Variants in ANKRD36 observed in about 807,000 individuals in gnomAD.
ANKRD36 encodes ankyrin repeat domain 36.
A neutral mutation model predicts 278.1 loss-of-function variants in ANKRD36; 179 were observed. The observed-to-expected ratio is 0.64, with a 90% CI of 0.57 to 0.73. The LOEUF (loss-of-function observed/expected upper bound fraction) is 0.73. ANKRD36 is among the 30% of genes least tolerant of loss of function. ANKRD36 has a pLI of 0.00. For missense variants in ANKRD36, 1,159 were observed against 1,956.7 expected, an observed-to-expected ratio of 0.59 and a Z score of 7.69; for synonymous variants, 320 against 641.1, an observed-to-expected ratio of 0.50 and a Z score of 7.57.
chr2:97,176,934 T>C (rs1575375652), intron 22 of ANKRD36, among the ~76,000 whole-genome samples: 3 of 151,856 alleles, frequency 2.0e-5, no homozygotes, highest in African/African-American at 7.2e-5. Flanking sequence ...AACCCTATTG[T>C]CTCAGCCCAA....
chr2:97,206,559 C>T (rs1558777996), intron 52 of ANKRD36, among the ~76,000 whole-genome samples: 2 of 151,400 alleles, frequency 1.3e-5, no homozygotes, highest in Admixed American at 1.3e-4. Context: ...AAGGAGACCC[C>T]TGGTGTAGCA....
At chr2:97,178,301 C>T (rs540253567) in intron 22 of ANKRD36, among the ~76,000 whole-genome samples, 35 of 152,008 alleles carry the variant, frequency 2.3e-4, no homozygotes, top group African/African-American at 8.4e-4. Flanking sequence ...GTGGAAATAC[C>T]ATTTGACCCA....
At chr2:97,208,314 G>C (rs1277625651) in intron 54 of ANKRD36, among the ~76,000 whole-genome samples, 1 of 146,702 alleles carries the variant, frequency 6.8e-6, no homozygotes, top group East Asian at 1.9e-4. Context: ...TTCAGTAAGG[G>C]TGGAAGGAGA....
At chr2:97,125,909 G>A (rs1186248982) in intron 5 of ANKRD36, among the ~76,000 whole-genome samples, 1 of 151,220 alleles carries the variant, frequency 6.6e-6, no homozygotes, top group African/African-American at 2.4e-5. Context: ...GCTTGCTTTG[G>A]CAGCACAAAT....
intron 50 of ANKRD36, 132 bp from the exon 51 acceptor site, chr2:97,205,808 A>G: frequency 1.6e-6 from 2 of 1,285,628 alleles, no homozygotes; most frequent in Non-Finnish European, 2.2e-6. Flanking sequence ...GTCCCCAGAC[A>G]CAAAGTAGAA....
At chr2:97,194,589 C>A in intron 38 of ANKRD36, 137 bp from the exon 39 acceptor site, 1 of 1,501,466 alleles carries the variant, frequency 6.7e-7, no homozygotes, top group South Asian at 1.2e-5. Context: ...TTCTGGTCCC[C>A]AGACAGAAAG....
chr2:97,196,844 C>T, intron 42 of ANKRD36, 56 bp downstream of exon 42: 1 of 1,540,378 alleles, frequency 6.5e-7, no homozygotes, highest in African/African-American at 1.4e-5. Flanking sequence ...AAGAAGTTCT[C>T]TTCCCCAAAT....
chr2:97,224,557 C>T (rs1286407874), intron 66 of ANKRD36, among the ~76,000 whole-genome samples: 1 of 151,710 alleles, frequency 6.6e-6, no homozygotes, highest in Non-Finnish European at 1.5e-5. Flanking sequence ...TCACGCCATT[C>T]TCCTGCACCA....
In ANKRD36 at chr2:97,187,382, T is replaced by C; in HGVS notation, c.2124T>C (p.Asp708=). ...CGAATATAGCCACAGAAATAAAGGA[T>C]GGAGAAAAATCTGGGACAGGTAATT... The part of the protein sequence containing the change: ...SVSNIATEIK[D]GEKSGTVSSQ... Residue 708 remains aspartate, a synonymous_variant, in exon 32 of 76, where the codon GAT becomes GAC. Transcript: ENST00000420699. 6.2e-7 allele frequency: 1 copy of C among 1,604,466 alleles called. No individual in the cohort carries two copies. Among genetic ancestry groups the C allele is most frequent in the Non-Finnish European group, 8.5e-7 (1 of 1,177,034 alleles).
chr2:97,206,178 G>C, intron 52 of ANKRD36, 43 bp downstream of exon 52: 1 of 1,487,598 alleles, frequency 6.7e-7, no homozygotes, highest in Non-Finnish European at 9.0e-7. Flanking sequence ...AGTCGAGATA[G>C]ATAAGAAGTT....
rs1014561623 is a variant in ANKRD36, at chr2:97,127,076, T to A, written c.741T>A (p.Asp247Glu). ...AIEAKNRVIFDLIYEYERKRY... is the reference protein window; with the variant it reads ...AIEAKNRVIFELIYEYERKRY... ...TTATTTTTATGCATAGCATTTTTGA[T>A]CTAATTTATGAATACGAAAGAAAGA... Residue 247 changes from aspartate to glutamate, a missense_variant, in exon 6 of 76, where the codon GAT becomes GAA. Physicochemically the swap from Asp to Glu is conservative, Grantham distance 45. Transcript: ENST00000420699. 7.9e-7 allele frequency: 1 copy of A among 1,261,286 alleles called. No individual in the cohort carries two copies. The highest frequency in any genetic ancestry group is 1.5e-5 in the African/African-American group (1 of 65,580). 78.1% of individuals were successfully genotyped at this position (1,261,286 alleles called of 1,614,324 possible). A position where few individuals can be genotyped will look rare whatever the true frequency, so the allele number is the denominator to read the frequency against.
At chr2:97,262,592 A>G (rs1438273215) in intron 75 of ANKRD36, among the ~76,000 whole-genome samples, 1 of 131,642 alleles carries the variant, frequency 7.6e-6, no homozygotes, top group Admixed American at 8.2e-5. Flanking sequence ...ATTGTTTGCA[A>G]ATTTGTACCC....
intron 67 of ANKRD36, among the ~76,000 whole-genome samples, chr2:97,230,623 CCTT>C (rs1203620905): frequency 6.6e-6 from 1 of 152,042 alleles, no homozygotes; most frequent in Admixed American, 6.6e-5. Context: ...TCGTCTGAAG[CCTT>C]CTTCTCTCAA....
chr2:97,207,861 T>G lies in ANKRD36; in HGVS notation c.3192+22T>G, dbSNP rs544066667. 201 of 1,545,648 alleles carry G rather than the reference T, an allele frequency of 1.3e-4. 1 individual carries two copies. Among genetic ancestry groups the G allele is most frequent in the Middle Eastern group, 4.6e-4 (2 of 4,324 alleles). Reference sequence around the variant, plus strand: ...GAAGGTAATGAAACTGTCATTTATATTGTGAACTAGTAAATGTATAGTCTA... The same window carrying G: ...GAAGGTAATGAAACTGTCATTTATAGTGTGAACTAGTAAATGTATAGTCTA... On this transcript the variant is annotated intron_variant, in intron 53 of 75. Transcript: ENST00000420699.
chr2:97,174,447 GTA>G (rs1362977324), intron 22 of ANKRD36, among the ~76,000 whole-genome samples: 1 of 151,522 alleles, frequency 6.6e-6, no homozygotes. Flanking sequence ...GGCACCAGAG[GTA>G]TATGTTTTGT....
chr2:97,185,214 A>G (rs1483707095), intron 28 of ANKRD36, 102 bp from the exon 29 acceptor site: 1 of 1,465,480 alleles, frequency 6.8e-7, no homozygotes, highest in Non-Finnish European at 9.4e-7. Flanking sequence ...GCCTATACTA[A>G]TACAGGCAGG....
rs748572978 is a variant in ANKRD36 at position 97,158,134 on chromosome 2, A to T, written c.1288A>T (p.Arg430Ter). 6 of 1,515,462 alleles carry T rather than the reference A, an allele frequency of 4.0e-6. No individual in the cohort carries two copies. The Admixed American group carries it at 1.2e-4, about 30-fold the overall frequency. The allele number at this position is 1,515,462 out of a possible 1,614,324, so 93.9% of individuals were successfully genotyped here. The change falls in exon 16 of 76, where the codon AGA (arginine) becomes TGA (stop). Residue 430 changes from arginine (R) to a stop codon, truncating the protein, a stop_gained. Transcript: ENST00000420699. LOFTEE classifies it high-confidence loss of function. ...TATTTCAGAACCATACTTTACGAAC[A>T]GAAGGACTATTTCTCAACAATCTGC... ...ENISEPYFTN[R>*]RTISQQSAEN...
At chr2:97,227,222 G>T (rs1187330205) in intron 67 of ANKRD36, among the ~76,000 whole-genome samples, 1 of 152,104 alleles carries the variant, frequency 6.6e-6, no homozygotes, top group Non-Finnish European at 1.5e-5. Flanking sequence ...TGGGCAGTAT[G>T]GCCATTTTAA....
intron 54 of ANKRD36, among the ~76,000 whole-genome samples, chr2:97,208,483 G>T (rs1430684409): frequency 2.0e-5 from 3 of 146,428 alleles, no homozygotes; most frequent in African/African-American, 8.0e-5. Flanking sequence ...AGGAAGGTGT[G>T]AAAAGAGGAA....
Sources: allele counts gnomAD v4.1 joint callset (sites outside exome capture counted in the v4.1 genomes callset), GRCh38; gene constraint gnomAD v4.1.1; transcripts MANE v1.5; gene names NCBI Gene and HGNC (gene_info 2026-07-23, HGNC 2026-07-21).